MMEL1: variants seen among roughly 807,000 people sequenced by gnomAD.
MMEL1 encodes membrane metallo-endopeptidase-like 1.
Under a neutral mutation model 117.1 loss-of-function variants are expected in MMEL1, and 98 were observed. That is an observed-to-expected ratio of 0.84 (90% CI 0.71 to 0.99). MMEL1 has a LOEUF of 0.99. Ranked by LOEUF, MMEL1 falls within the 50% of genes least tolerant of loss-of-function variation. MMEL1 has a pLI of 0.00. For missense variants in MMEL1, 1,014 were observed against 1,049.1 expected (o/e 0.97, Z 0.46); for synonymous variants, 390 against 415.1 (o/e 0.94, Z 0.74).
At chr1:2,597,608 C>A (rs1410839380) in intron 13 of MMEL1, among the ~76,000 whole-genome samples, 2 of 152,220 alleles carry the variant, frequency 1.3e-5, no homozygotes, top group African/African-American at 4.8e-5. Context: ...TCAACTCACT[C>A]TCCCCAGAAC....
chr1:2,612,035 AC>A lies in MMEL1; in HGVS notation c.232+91del. On this transcript the variant is annotated intron_variant, in intron 3 of 23. Transcript: ENST00000378412. The surrounding 1 kb of genome is among the most constrained non-coding windows in gnomAD (Gnocchi z 5.4). ...CTCCGGCACATGAGGGTTGGGCAGAACCCAGCCCCTGCCCCTCCACGGAGTC... is the reference window on the plus strand; with the variant it reads ...CTCCGGCACATGAGGGTTGGGCAGAACCAGCCCCTGCCCCTCCACGGAGTC... The A allele has an allele frequency of 8.8e-7, 1 of 1,131,346 alleles. No individual in the cohort carries two copies. The allele number at this position is 1,131,346 out of a possible 1,614,324, so 70.1% of individuals were successfully genotyped here.
intron 10 of MMEL1, 28 bp downstream of exon 10, chr1:2,604,119 C>CGCA: frequency 1.1e-4 from 164 of 1,510,038 alleles, no homozygotes; most frequent in Non-Finnish European, 1.4e-4. Context: ...ACTCGCTGCC[C>CGCA]GCTCCCCACC....
At chr1:2,623,848 C>T (rs567935654) in intron 2 of MMEL1, among the ~76,000 whole-genome samples, 1 of 152,310 alleles carries the variant, frequency 6.6e-6, no homozygotes, top group African/African-American at 2.4e-5. Flanking sequence ...ACCACTGAGG[C>T]AGGTGTAACC....
chr1:2,630,827 A>G (rs1250066398), intron 1 of MMEL1, among the ~76,000 whole-genome samples: 1 of 134,264 alleles, frequency 7.4e-6, no homozygotes, highest in East Asian at 2.3e-4. Flanking sequence ...CGTGTGCATG[A>G]TTATGTGCGT....
intron 2 of MMEL1, among the ~76,000 whole-genome samples, chr1:2,615,167 C>A (rs967740116): frequency 4.6e-5 from 7 of 152,242 alleles, no homozygotes; most frequent in Non-Finnish European, 1.0e-4. Flanking sequence ...TAACTCCCCA[C>A]TCCTCAGGTG....
chr1:2,626,175 A>T (rs1291258775), intron 2 of MMEL1, among the ~76,000 whole-genome samples: 1 of 152,200 alleles, frequency 6.6e-6, no homozygotes, highest in Non-Finnish European at 1.5e-5. Flanking sequence ...GCTGTAGCCA[A>T]TGGTTTGGCT....
At chr1:2,603,860 G>C in intron 11 of MMEL1, 24 bp downstream of exon 11, 2 of 1,609,026 alleles carry the variant, frequency 1.2e-6, no homozygotes, top group Non-Finnish European at 1.7e-6. Flanking sequence ...GCCAGTGCCG[G>C]CCTCCTGTGT....
At position 2,629,595 on chromosome 1, in the gene MMEL1, G is replaced by A; in HGVS notation, c.-37-74C>T. The A allele has an allele frequency of 2.3e-6, 3 of 1,320,242 alleles. No homozygotes were observed. The South Asian group carries it at 4.9e-5, about 21-fold the overall frequency. The allele number at this position is 1,320,242 out of a possible 1,614,324, so 81.8% of individuals were successfully genotyped here. On this transcript the variant is annotated intron_variant, in intron 1 of 23. Transcript: ENST00000378412. ...AGCCCGGCCCGAGGCTGGAAGGGCCGGATGCTGGCTGGGAGCGGGCGCTGG... is the reference window on the plus strand; with the variant it reads ...AGCCCGGCCCGAGGCTGGAAGGGCCAGATGCTGGCTGGGAGCGGGCGCTGG...
intron 10 of MMEL1, 25 bp downstream of exon 10, chr1:2,604,119 CGCT>C: frequency 2.0e-6 from 3 of 1,510,100 alleles, no homozygotes; most frequent in South Asian, 1.2e-5. Flanking sequence ...ACTCGCTGCC[CGCT>C]CCCCACCCGC....
Position 2,591,976 on chromosome 1 carries a change from GGCCGGGCA to G in MMEL1, c.2111_2118del (p.Leu704ProfsTer6). The G allele has an allele frequency of 6.2e-7, 1 of 1,613,392 alleles. No homozygotes were observed. The stretch of plus-strand genomic sequence containing the variant: ...AAGAGCTGCTCATGGGTGAGATCCA[GGCCGGGCA>G]GCTGCTGGTCCTTGCCACCCTCTGC... On this transcript the variant is annotated frameshift_variant, in exon 22 of 24. Transcript: ENST00000378412. LOFTEE classifies it high-confidence loss of function.
Position 2,625,328 on chromosome 1 carries a change from A to T in MMEL1, c.154+4003T>A, listed in dbSNP as rs191401292. Among the ~76,000 whole-genome samples the T allele has an allele frequency of 4.1e-3, 621 of 152,298 alleles. 3 individuals carry two copies. Among genetic ancestry groups the T allele is most frequent in the African/African-American group, 0.014 (590 of 41,560 alleles). On this transcript the variant is annotated intron_variant, in intron 2 of 23. Coordinates refer to ENST00000378412, the MANE Select transcript of MMEL1 (RefSeq NM_033467.4). Reference sequence around the variant, plus strand: ...AGGCAGCACACTCCTCATCTGGGCGAGTTACTTCAGCCCATTTATCAAGTG... The same window carrying T: ...AGGCAGCACACTCCTCATCTGGGCGTGTTACTTCAGCCCATTTATCAAGTG...
chr1:2,629,560 G>C, intron 1 of MMEL1, 39 bp from the exon 2 acceptor site: 1 of 1,381,136 alleles, frequency 7.2e-7, no homozygotes, highest in Non-Finnish European at 9.4e-7. Context: ...GAGGGGCGTG[G>C]AGCTCCCCGA....
At chr1:2,626,026 T>C (rs1056081339) in intron 2 of MMEL1, among the ~76,000 whole-genome samples, 1 of 152,154 alleles carries the variant, frequency 6.6e-6, no homozygotes, top group Non-Finnish European at 1.5e-5. Flanking sequence ...CTATAGCCCC[T>C]TTCCAGGACA....
intron 6 of MMEL1, among the ~76,000 whole-genome samples, chr1:2,607,523 C>A (rs933183645): frequency 6.6e-6 from 1 of 152,160 alleles, no homozygotes; most frequent in South Asian, 2.1e-4. Flanking sequence ...CTGTGTGTGT[C>A]CTGTGTCTCG....
chr1:2,616,342 CAAAAA>C (rs60641053), intron 2 of MMEL1, among the ~76,000 whole-genome samples: 2 of 89,286 alleles, frequency 2.2e-5, no homozygotes, highest in African/African-American at 4.5e-5. Context: ...GACCCTAGCT[CAAAAA>C]AAAAAAAAAA....
At chr1:2,604,010 A>T (rs1233905023) in intron 10 of MMEL1, 37 bp from the exon 11 acceptor site, 2 of 1,608,920 alleles carry the variant, frequency 1.2e-6, no homozygotes, top group Non-Finnish European at 1.7e-6. Context: ...GCGGGTGGCC[A>T]GGATGCCCCC....
At chr1:2,623,164 TAA>T (rs375084628) in intron 2 of MMEL1, among the ~76,000 whole-genome samples, 8 of 132,648 alleles carry the variant, frequency 6.0e-5, no homozygotes, top group Admixed American at 1.5e-4. Context: ...TGACTCCGTC[TAA>T]AAAAAAAAAA....
At chr1:2,591,677 T>TGGTGGGGGGGGGTGGGG in intron 22 of MMEL1, 44 bp from the exon 23 acceptor site, 1 of 441,166 alleles carries the variant, frequency 2.3e-6, no homozygotes, top group Non-Finnish European at 4.1e-6. Context: ...CGTGGTGGGG[T>TGGTGGGGGGGGGTGGGG]GGCCAGGAGG....
Position 2,593,821 on chromosome 1 carries a change from G to A in MMEL1, c.1860C>T (p.Asp620=), listed in dbSNP as rs571161601. ...VIGHEITHGF[D]DNGRNFDKNG... ...GGAGGGGCGGCCGCTCACCATTGTC[G>A]TCAAAGCCGTGCGTGATCTCGTGCC... Residue 620 remains aspartate, a synonymous_variant, in exon 19 of 24, where the codon GAC becomes GAT. Coordinates refer to ENST00000378412, the MANE Select transcript of MMEL1 (RefSeq NM_033467.4). 2.6e-5 allele frequency: 42 copies of A among 1,606,646 alleles called. No homozygotes were observed. Among genetic ancestry groups the A allele is most frequent in the African/African-American group, 9.4e-5 (7 of 74,782 alleles).
Sources: gnomAD v4.1 joint callset for allele counts (sites outside exome capture counted in the v4.1 genomes callset) on GRCh38, gnomAD v4.1.1 for gene constraint, Gnocchi (gnomAD v3.1) non-coding constraint, MANE v1.5 for transcripts, NCBI Gene and HGNC (gene_info 2026-07-23, HGNC 2026-07-21) for gene names.